Variants in CCDC188 observed in about 807,000 individuals in gnomAD.
The protein encoded by CCDC188 is coiled-coil domain containing 188.
A neutral mutation model predicts 50.7 loss-of-function variants in CCDC188; 37 were observed. That is an observed-to-expected ratio of 0.73 (90% CI 0.56 to 0.96). The LOEUF is 0.96. Ranked by LOEUF, CCDC188 falls within the 40% of genes least tolerant of loss-of-function variation. CCDC188 has a pLI of 0.00. For synonymous variants in CCDC188, 208 were observed against 228.0 expected (o/e 0.91, Z 0.79); for missense variants, 453 against 512.9 (o/e 0.88, Z 1.13).
rs1423471443 is a variant in CCDC188 at position 20,150,922 on chromosome 22, G to C, written c.65C>G (p.Ala22Gly). The change falls in exon 1 of 9, where the codon GCC (alanine) becomes GGC (glycine). Residue 22 changes from alanine to glycine, a missense_variant. Transcript: ENST00000439765. Reference protein sequence around the residue: ...HPHPQCPPTPASSSHGGGLDQ... With the variant: ...HPHPQCPPTPGSSSHGGGLDQ... ...CAGGCCTCCTCCATGGCTGCTGGAG[G>C]CTGGGGTTGGGGGACACTGGGGGTG... The C allele has an allele frequency of 1.4e-6, 2 of 1,418,870 alleles. No individual in the cohort carries two copies. Among genetic ancestry groups the C allele is most frequent in the Admixed American group, 5.6e-5 (2 of 36,032 alleles). 87.9% of individuals were successfully genotyped at this position (1,418,870 alleles called of 1,614,324 possible). A position where few individuals can be genotyped will look rare whatever the true frequency, so the allele number is the denominator to read the frequency against.
rs1379170189 is a variant in CCDC188, at chr22:20,148,757, T to C, written c.1066A>G (p.Thr356Ala). Residue 356 changes from threonine to alanine, a missense_variant, in exon 9 of 9, where the codon ACC (threonine) becomes GCC (alanine). By Grantham distance (58) the Thr-to-Ala change is moderately conservative. Transcript: ENST00000439765. ...RLLLGALLVW[T>A]AAYVYVVNPT... is the part of the protein sequence containing the mutation. ...TTCACCACGTACACGTAGGCAGCGGTCCAGACCAGCAGGGCGCCCAGCAGC... is the reference window on the plus strand; with the variant it reads ...TTCACCACGTACACGTAGGCAGCGGCCCAGACCAGCAGGGCGCCCAGCAGC... 2.0e-6 allele frequency: 3 copies of C among 1,488,934 alleles called. No homozygotes were observed. Among genetic ancestry groups the C allele is most frequent in the Middle Eastern group, 3.5e-4 (2 of 5,676 alleles). 92.2% of individuals were successfully genotyped at this position (1,488,934 alleles called of 1,614,324 possible). A position where few individuals can be genotyped will look rare whatever the true frequency, so the allele number is the denominator to read the frequency against.
In CCDC188 at chr22:20,150,750, C is replaced by T. The variant is rs1366581352; in HGVS notation, c.237G>A (p.Leu79=). The change falls in exon 1 of 9, where the codon CTG becomes CTA. Residue 79 remains leucine, a synonymous_variant. Coordinates refer to ENST00000439765, the MANE Select transcript of CCDC188 (RefSeq NM_001365892.2). ...CTCTCGCTCTCTGCTCCTGGCTGGA[C>T]AGAAAGAGCCCGGGAGCCTCGCCCT... ...TVEGEAPGLF[L]SSQEQRARDT... 1.3e-6 allele frequency: 2 copies of T among 1,550,222 alleles called. No homozygotes were observed. The highest frequency in any genetic ancestry group is 1.7e-6 in the Non-Finnish European group (2 of 1,146,822).
At chr22:20,149,362 A>G in intron 6 of CCDC188, 50 bp downstream of exon 6, 1 of 1,548,700 alleles carries the variant, frequency 6.5e-7, no homozygotes, top group Non-Finnish European at 8.7e-7. Context: ...CCTGACCAGG[A>G]CACCTTCTGA....
At chr22:20,149,507 C>A in intron 5 of CCDC188, 31 bp from the exon 6 acceptor site, 1 of 1,549,912 alleles carries the variant, frequency 6.5e-7, no homozygotes, top group Non-Finnish European at 8.7e-7. Context: ...GCACAGCAGG[C>A]CCCTCGCCCC....
In CCDC188 at chr22:20,150,419, C is replaced by A. The variant is rs1432687301; in HGVS notation, c.519+49G>T. 5 of 743,644 alleles carry A rather than the reference C, an allele frequency of 6.7e-6. No homozygotes were observed. In the East Asian group the frequency reaches 2.8e-4, roughly 41 times the overall value. 46.1% of individuals were successfully genotyped at this position (743,644 alleles called of 1,614,324 possible). ...CTGGGGCTGGGGCAGGGGTACCAGG[C>A]GGTGGGTGGGGCTGGGGCTGGGGCT... On this transcript the variant is annotated intron_variant, in intron 1 of 8. Coordinates refer to ENST00000439765, the MANE Select transcript of CCDC188 (RefSeq NM_001365892.2).
In CCDC188 at chr22:20,150,490, AGCT is replaced by A; in HGVS notation, c.494_496del (p.Gln165del). The A allele has an allele frequency of 1.9e-6, 3 of 1,545,476 alleles. No individual in the cohort carries two copies. Among genetic ancestry groups the A allele is most frequent in the Non-Finnish European group, 1.7e-6 (2 of 1,146,518 alleles). Reference sequence around the variant, plus strand: ...CACCAGGCTGTGGTTCTCCTGCTCCAGCTGCAGGAAGGACTGTTCTGCAGAGCC... The same window carrying A: ...CACCAGGCTGTGGTTCTCCTGCTCCAGCAGGAAGGACTGTTCTGCAGAGCC... On this transcript the variant is annotated inframe_deletion, in exon 1 of 9. Coordinates refer to ENST00000439765, the MANE Select transcript of CCDC188 (RefSeq NM_001365892.2).
chr22:20,148,802 T>C lies in CCDC188; in HGVS notation c.1023-2A>G, dbSNP rs1021932519. On this transcript the variant is annotated splice_acceptor_variant, in intron 8 of 8. Transcript: ENST00000439765. LOFTEE classifies it high-confidence loss of function. The stretch of plus-strand genomic sequence containing the variant: ...AGCAGCAGCCTCAGGGTCAGCAGCC[T>C]GCGGGCGGCGGTGGTCAGGGGCAGG... 2.1e-6 allele frequency: 3 copies of C among 1,459,018 alleles called. No individual in the cohort carries two copies. Among genetic ancestry groups the C allele is most frequent in the African/African-American group, 1.4e-5 (1 of 69,216 alleles). 90.4% of individuals were successfully genotyped at this position (1,459,018 alleles called of 1,614,324 possible). A position where few individuals can be genotyped will look rare whatever the true frequency, so the allele number is the denominator to read the frequency against.
rs1195441638 is a variant in CCDC188, at chr22:20,150,163, T to A, written c.607A>T (p.Ser203Cys). 1 of 1,547,994 alleles carries A rather than the reference T, an allele frequency of 6.5e-7. No homozygotes were observed. The highest frequency in any genetic ancestry group is 8.7e-7 in the Non-Finnish European group (1 of 1,145,592). Residue 203 changes from serine to cysteine, a missense_variant, in exon 2 of 9, where the codon AGC becomes TGC. Physicochemically the swap from Ser to Cys is moderately radical, Grantham distance 112. Transcript: ENST00000439765. ...QFLPLCPEHS[S>C]CTALAWPPDP... ...TTTACCCAGGCCAGAGCAGTGCAGC[T>A]TGAGTGTTCGGGACACAGGGGCAGG...
chr22:20,150,511 G>C lies in CCDC188; in HGVS notation c.476C>G (p.Ala159Gly). ...CTCCAGCTGCAGGAAGGACTGTTCT[G>C]CAGAGCCCAGCAGCCCGCACTGAAG... ...SQLQCGLLGS[A>G]EQSFLQLEQE... The change falls in exon 1 of 9, where the codon GCA becomes GGA. Residue 159 changes from alanine (A) to glycine (G), a missense_variant. Coordinates refer to ENST00000439765, the MANE Select transcript of CCDC188 (RefSeq NM_001365892.2). The C allele has an allele frequency of 6.5e-7, 1 of 1,548,730 alleles. No homozygotes were observed. The highest frequency in any genetic ancestry group is 8.7e-7 in the Non-Finnish European group (1 of 1,146,640).
chr22:20,149,206 T>A lies in CCDC188; in HGVS notation c.953A>T (p.Lys318Met). The A allele has an allele frequency of 6.8e-7, 1 of 1,470,026 alleles. No individual in the cohort carries two copies. The highest frequency in any genetic ancestry group is 9.0e-7 in the Non-Finnish European group (1 of 1,107,354). 91.1% of individuals were successfully genotyped at this position (1,470,026 alleles called of 1,614,324 possible). A position where few individuals can be genotyped will look rare whatever the true frequency, so the allele number is the denominator to read the frequency against. ...AQCRTRARKE[K>M]QMASMSKGRP... The stretch of plus-strand genomic sequence containing the variant: ...GCTCACCGACATGCTTGCCATCTGC[T>A]TCTCCTTCCTGGCTCGAGTGCGGCA... Residue 318 changes from lysine to methionine, a missense_variant, in exon 7 of 9, where the codon AAG becomes ATG. Physicochemically the swap from Lys to Met is moderately conservative, Grantham distance 95 (BLOSUM62 -1). Coordinates refer to ENST00000439765, the MANE Select transcript of CCDC188 (RefSeq NM_001365892.2).
At position 20,148,553 on chromosome 22, in the gene CCDC188, C is replaced by T; in HGVS notation, c.*61G>A. The T allele has an allele frequency of 6.8e-7, 1 of 1,466,758 alleles. No homozygotes were observed. Among genetic ancestry groups the T allele is most frequent in the Non-Finnish European group, 9.0e-7 (1 of 1,109,732 alleles). 90.9% of individuals were successfully genotyped at this position (1,466,758 alleles called of 1,614,324 possible). Reference sequence around the variant, plus strand: ...CATGTGCAGGGGGCTGGCACGGCCACTGGGCATCCGGGGCAGTGCTGGTCG... The same window carrying T: ...CATGTGCAGGGGGCTGGCACGGCCATTGGGCATCCGGGGCAGTGCTGGTCG... On this transcript the variant is annotated 3_prime_UTR_variant, in exon 9 of 9. Transcript: ENST00000439765.
At position 20,149,531 on chromosome 22, in the gene CCDC188, T is replaced by C. The variant is rs113936361; in HGVS notation, c.849+50A>G. 3.7e-5 allele frequency: 58 copies of C among 1,550,014 alleles called. No homozygotes were observed. The Middle Eastern group carries it at 5.0e-4, about 13-fold the overall frequency. ...GCCCCTCGCCCCGCCCTCCGTGGCC[T>C]CTCGCCCGCCGGGCCCCGTCCTTCT... On this transcript the variant is annotated intron_variant, in intron 5 of 8. Coordinates refer to ENST00000439765, the MANE Select transcript of CCDC188 (RefSeq NM_001365892.2).
chr22:20,150,249 T>A lies in CCDC188; in HGVS notation c.521A>T (p.Lys174Ile). ...CTCCCGAAGTTCCTGATTCTGCCTT[T>A]TCTGGGGTGGGGGGCAGAGAGAGGG... Reference protein sequence around the residue: ...LQLEQENHSLKRQNQELREQL... With the variant: ...LQLEQENHSLIRQNQELREQL... Residue 174 changes from lysine to isoleucine, a missense_variant and splice_region_variant, in exon 2 of 9, where the codon AAA becomes ATA. By Grantham distance (102) the Lys-to-Ile change is moderately radical. Transcript: ENST00000439765. 2 of 1,541,140 alleles carry A rather than the reference T, an allele frequency of 1.3e-6. No individual in the cohort carries two copies. Among genetic ancestry groups the A allele is most frequent in the Non-Finnish European group, 1.8e-6 (2 of 1,141,476 alleles).
Position 20,150,915 on chromosome 22 carries a change from G to C in CCDC188, c.72C>G (p.Ser24Arg), listed in dbSNP as rs1205680493. 54 of 1,420,828 alleles carry C rather than the reference G, an allele frequency of 3.8e-5. No individual in the cohort carries two copies. The highest frequency in any genetic ancestry group is 5.0e-5 in the Non-Finnish European group (54 of 1,078,122). The allele number at this position is 1,420,828 out of a possible 1,614,324, so 88.0% of individuals were successfully genotyped here. The change falls in exon 1 of 9, where the codon AGC (serine) becomes AGG (arginine). Residue 24 changes from serine to arginine, a missense_variant. By Grantham distance (110) the Ser-to-Arg change is moderately radical. Coordinates refer to ENST00000439765, the MANE Select transcript of CCDC188 (RefSeq NM_001365892.2). The part of the protein sequence containing the change: ...HPQCPPTPAS[S>R]SHGGGLDQPC... ...GCTGGTCCAGGCCTCCTCCATGGCT[G>C]CTGGAGGCTGGGGTTGGGGGACACT...
Position 20,148,736 on chromosome 22 carries a change from C to T in CCDC188, c.1087G>A (p.Val363Met). The part of the protein sequence containing the change: ...LVWTAAYVYV[V>M]NPTPFEGLVP... ...AGCCCCTCGAAAGGTGTGGGGTTCACCACGTACACGTAGGCAGCGGTCCAG... is the reference window on the plus strand; with the variant it reads ...AGCCCCTCGAAAGGTGTGGGGTTCATCACGTACACGTAGGCAGCGGTCCAG... The change falls in exon 9 of 9, where the codon GTG becomes ATG. Residue 363 changes from valine (V) to methionine (M), a missense_variant. By Grantham distance (21) the Val-to-Met change is conservative (BLOSUM62 1). Coordinates refer to ENST00000439765, the MANE Select transcript of CCDC188 (RefSeq NM_001365892.2). 1 of 1,516,510 alleles carries T rather than the reference C, an allele frequency of 6.6e-7. No homozygotes were observed. Among genetic ancestry groups the T allele is most frequent in the East Asian group, 2.5e-5 (1 of 39,948 alleles). The allele number at this position is 1,516,510 out of a possible 1,614,324, so 93.9% of individuals were successfully genotyped here.
Position 20,148,545 on chromosome 22 carries a change from C to G in CCDC188, c.*69G>C. The G allele has an allele frequency of 6.9e-7, 1 of 1,458,738 alleles. No homozygotes were observed. Among genetic ancestry groups the G allele is most frequent in the Non-Finnish European group, 9.0e-7 (1 of 1,106,412 alleles). 90.4% of individuals were successfully genotyped at this position (1,458,738 alleles called of 1,614,324 possible). ...AGTGGTGCCATGTGCAGGGGGCTGGCACGGCCACTGGGCATCCGGGGCAGT... is the reference window on the plus strand; with the variant it reads ...AGTGGTGCCATGTGCAGGGGGCTGGGACGGCCACTGGGCATCCGGGGCAGT... On this transcript the variant is annotated 3_prime_UTR_variant, in exon 9 of 9. Transcript: ENST00000439765.
Position 20,150,705 on chromosome 22 carries a change from T to G in CCDC188, c.282A>C (p.Gln94His). ...ACCCAAGCCCTGCCTCCAGGTCTCC[T>G]TGTCTCGGCCCCTCAGTGTCTCTCG... is the stretch of plus-strand genomic sequence containing the variant. ...QRARDTEGPR[Q>H]GDLEAGLGWG... The change falls in exon 1 of 9, where the codon CAA becomes CAC. Residue 94 changes from glutamine (Q) to histidine (H), a missense_variant. Physicochemically the swap from Gln to His is conservative, Grantham distance 24. Coordinates refer to ENST00000439765, the MANE Select transcript of CCDC188 (RefSeq NM_001365892.2). 1 of 1,550,096 alleles carries G rather than the reference T, an allele frequency of 6.5e-7. No individual in the cohort carries two copies. The highest frequency in any genetic ancestry group is 8.7e-7 in the Non-Finnish European group (1 of 1,146,744).
chr22:20,148,910 C>T lies in CCDC188; in HGVS notation c.987G>A (p.Lys329=). 6.6e-7 allele frequency: 1 copy of T among 1,515,452 alleles called. No individual in the cohort carries two copies. Among genetic ancestry groups the T allele is most frequent in the Non-Finnish European group, 8.9e-7 (1 of 1,129,124 alleles). 93.9% of individuals were successfully genotyped at this position (1,515,452 alleles called of 1,614,324 possible). The change falls in exon 8 of 9, where the codon AAG becomes AAA. Residue 329 remains lysine (K), a synonymous_variant. Transcript: ENST00000439765. ...QMASMSKGRP[K]LGSSKGLAGQ... ...CTGCCAGGCCCTTGGAGCTTCCCAGCTTTGGCCTCCCTTTCTGTCGGGGAG... is the reference window on the plus strand; with the variant it reads ...CTGCCAGGCCCTTGGAGCTTCCCAGTTTTGGCCTCCCTTTCTGTCGGGGAG...
At chr22:20,149,931 C>T (rs751005202) in intron 3 of CCDC188, 24 bp downstream of exon 3, 46 of 1,524,226 alleles carry the variant, frequency 3.0e-5, no homozygotes, top group Non-Finnish European at 3.4e-5. Context: ...TCCTCCCCCC[C>T]CACAGCCCCT....
Sources: gnomAD v4.1 joint callset for allele counts on GRCh38, gnomAD v4.1.1 for gene constraint, MANE v1.5 for transcripts, NCBI Gene and HGNC (gene_info 2026-07-23, HGNC 2026-07-21) for gene names.